Variants in SPPL2A observed in about 807,000 individuals in gnomAD.
SPPL2A encodes the protein signal peptide peptidase-like 2A.
Under a neutral mutation model 63.8 loss-of-function variants are expected in SPPL2A, and 51 were observed. The ratio of observed to expected loss-of-function variants is 0.80; its 90% CI spans 0.64 to 1.01. The LOEUF (loss-of-function observed/expected upper bound fraction) is 1.01. Ranked by LOEUF, SPPL2A falls within the 50% of genes least tolerant of loss-of-function variation. The probability of loss-of-function intolerance (pLI) is 0.00; values close to 1 mark genes in which losing one functional copy is unlikely to be tolerated. For missense variants in SPPL2A, 553 were observed against 622.7 expected (o/e 0.89, Z 1.19); for synonymous variants, 188 against 205.8 (o/e 0.91, Z 0.74).
chr15:50,735,546 C>CAT (rs2078740441), intron 8 of SPPL2A, among the ~76,000 whole-genome samples: 2 of 32,990 alleles, frequency 6.1e-5, no homozygotes, highest in African/African-American at 2.4e-4. Context: ...TATATACATA[C>CAT]ACACACACAC....
chr15:50,762,476 TA>T (rs2063020920), intron 1 of SPPL2A, among the ~76,000 whole-genome samples: 2 of 152,160 alleles, frequency 1.3e-5, no homozygotes, highest in Admixed American at 6.5e-5. Flanking sequence ...CTAATGGGTT[TA>T]AAAAATATTA....
chr15:50,748,886 G>A lies in SPPL2A; in HGVS notation c.178-16C>T. ...TAATGGAAGTCTGAAAATAAGAAAT[G>A]TCTTTTTAACATGTTAAAAATCTAT... On this transcript the variant is annotated splice_polypyrimidine_tract_variant and intron_variant, in intron 2 of 14. Transcript: ENST00000261854. 2 of 1,525,596 alleles carry A rather than the reference G, an allele frequency of 1.3e-6. No individual in the cohort carries two copies. Among genetic ancestry groups the A allele is most frequent in the African/African-American group, 2.8e-5 (2 of 70,628 alleles). 94.5% of individuals were successfully genotyped at this position (1,525,596 alleles called of 1,614,324 possible).
intron 6 of SPPL2A, among the ~76,000 whole-genome samples, chr15:50,737,599 C>T (rs545379133): frequency 1.1e-4 from 17 of 152,146 alleles, no homozygotes; most frequent in South Asian, 6.2e-4. Context: ...ACTACGGGCA[C>T]GCACCACCAT....
In SPPL2A at chr15:50,745,189, C is replaced by T. The variant is rs114367917; in HGVS notation, c.584+2306G>A. On this transcript the variant is annotated intron_variant, in intron 5 of 14. Coordinates refer to ENST00000261854, the MANE Select transcript of SPPL2A (RefSeq NM_032802.4). ...GTTTTGAGATGGAGTTTCGCTCTGT[C>T]ACCCAGCTTGGAGTGCAATGGGATG... 2.7e-3 allele frequency among the ~76,000 whole-genome samples: 407 copies of T among 152,254 alleles called. 1 individual carries two copies. The highest frequency in any genetic ancestry group is 9.3e-3 in the African/African-American group (388 of 41,550).
At chr15:50,720,269 G>A (rs149106991) in intron 13 of SPPL2A, among the ~76,000 whole-genome samples, 169 bp from the exon 14 acceptor site, 4 of 152,124 alleles carry the variant, frequency 2.6e-5, no homozygotes, top group Admixed American at 2.6e-4. Flanking sequence ...ATCTTCTATG[G>A]AGCTTTTGAA....
chr15:50,737,346 C>T (rs892074010), intron 6 of SPPL2A, among the ~76,000 whole-genome samples: 4 of 152,148 alleles, frequency 2.6e-5, no homozygotes, highest in Non-Finnish European at 4.4e-5. Context: ...AGAAATTAAT[C>T]TGAAGGAGTA....
chr15:50,763,512 GTTAC>G (rs1190737533), intron 1 of SPPL2A, among the ~76,000 whole-genome samples: 5 of 152,166 alleles, frequency 3.3e-5, no homozygotes. Flanking sequence ...GTAGAAAAAT[GTTAC>G]TTAATCTTCA....
intron 9 of SPPL2A, 91 bp from the exon 10 acceptor site, chr15:50,731,130 A>C (rs963522611): frequency 2.3e-5 from 14 of 600,958 alleles, no homozygotes; most frequent in Non-Finnish European, 9.0e-6. Context: ...AAATATATGA[A>C]TATACATTTA....
At chr15:50,726,268 C>T (rs999974744) in intron 11 of SPPL2A, 53 bp downstream of exon 11, 2 of 1,571,020 alleles carry the variant, frequency 1.3e-6, no homozygotes, top group Non-Finnish European at 8.8e-7. Flanking sequence ...AATTATTAAC[C>T]GGATACACAT....
At chr15:50,763,094 G>C (rs1469129968) in intron 1 of SPPL2A, among the ~76,000 whole-genome samples, 1 of 151,932 alleles carries the variant, frequency 6.6e-6, no homozygotes, top group Non-Finnish European at 1.5e-5. Flanking sequence ...TGATTGAGCT[G>C]GCATCACTAA....
rs140174698 is a variant in SPPL2A at position 50,725,330 on chromosome 15, AAAAAC to A, written c.1147-12_1147-8del. The A allele has an allele frequency of 0.28, 351,962 of 1,240,718 alleles. 66,154 individuals carry two copies. Among genetic ancestry groups the A allele is most frequent in the East Asian group, 0.53 (22,367 of 41,850 alleles). 76.9% of individuals were successfully genotyped at this position (1,240,718 alleles called of 1,614,324 possible). A position where few individuals can be genotyped will look rare whatever the true frequency, so the allele number is the denominator to read the frequency against. ...CTCTGATGACTACTGGCAACTGTTC[AAAAAC>A]AAAACAAAACAAAACAAAACAAAAC... On this transcript the variant is annotated splice_polypyrimidine_tract_variant and splice_region_variant and intron_variant, in intron 11 of 14. Transcript: ENST00000261854.
At chr15:50,749,786 G>A (rs1204827849) in intron 1 of SPPL2A, 40 bp from the exon 2 acceptor site, 1 of 1,227,926 alleles carries the variant, frequency 8.1e-7, no homozygotes, top group African/African-American at 1.5e-5. Flanking sequence ...GCAATGTTAT[G>A]GCTTGCCAAC....
chr15:50,728,729 C>T (rs1013054205), intron 10 of SPPL2A, among the ~76,000 whole-genome samples: 3 of 152,042 alleles, frequency 2.0e-5, no homozygotes, highest in African/African-American at 4.8e-5. Flanking sequence ...CTGTAACCTC[C>T]GCTCCTGGCT....
chr15:50,733,428 C>T (rs1250245307), intron 8 of SPPL2A, among the ~76,000 whole-genome samples: 1 of 151,964 alleles, frequency 6.6e-6, no homozygotes, highest in Non-Finnish European at 1.5e-5. Context: ...TTTCTTATAT[C>T]CCCCTCTTTC....
chr15:50,739,556 A>G, intron 6 of SPPL2A, 124 bp downstream of exon 6: 1 of 617,140 alleles, frequency 1.6e-6, no homozygotes, highest in Non-Finnish European at 2.6e-6. Flanking sequence ...AAAAAAATTA[A>G]TATTAACCAA....
chr15:50,723,584 T>G (rs912060531), intron 12 of SPPL2A, among the ~76,000 whole-genome samples: 2 of 152,148 alleles, frequency 1.3e-5, no homozygotes, highest in African/African-American at 4.8e-5. Context: ...CAGGTGATTC[T>G]CCTGTCTCAG....
intron 1 of SPPL2A, among the ~76,000 whole-genome samples, chr15:50,754,804 G>A (rs1012540053): frequency 3.9e-5 from 6 of 152,056 alleles, no homozygotes; most frequent in Non-Finnish European, 8.8e-5. Flanking sequence ...CCAACATGGA[G>A]AAACCCTGTC....
chr15:50,724,093 T>C (rs765176522), intron 12 of SPPL2A, among the ~76,000 whole-genome samples: 21 of 152,210 alleles, frequency 1.4e-4, no homozygotes, highest in Non-Finnish European at 2.4e-4. Context: ...GGTTACTCAA[T>C]AGAATGTTTT....
chr15:50,725,038 G>A (rs1011256065), intron 12 of SPPL2A, among the ~76,000 whole-genome samples, 183 bp downstream of exon 12: 1 of 152,110 alleles, frequency 6.6e-6, no homozygotes, highest in Non-Finnish European at 1.5e-5. Context: ...CAGTACTTTA[G>A]TTGTTACCAT....
Sources: gnomAD v4.1 joint callset for allele counts (sites outside exome capture counted in the v4.1 genomes callset) on GRCh38, gnomAD v4.1.1 for gene constraint, MANE v1.5 for transcripts, NCBI Gene and HGNC (gene_info 2026-07-23, HGNC 2026-07-21) for gene names.